Variants in FAM117A observed in about 807,000 individuals in gnomAD.
FAM117A encodes the protein protein FAM117A.
FAM117A carries 21 observed loss-of-function variants against 44.1 expected under a neutral mutation model. That is an observed-to-expected ratio of 0.48 (90% CI 0.34 to 0.69). The LOEUF (loss-of-function observed/expected upper bound fraction) is 0.69. Ranked by LOEUF, FAM117A falls within the 30% of genes least tolerant of loss-of-function variation. The pLI is 0.01. For synonymous variants in FAM117A, 220 were observed against 238.3 expected (o/e 0.92, Z 0.71); for missense variants, 498 against 589.9 (o/e 0.84, Z 1.61).
At chr17:49,774,615 C>A (rs2073770818) in intron 1 of FAM117A, among the ~76,000 whole-genome samples, 2 of 152,192 alleles carry the variant, frequency 1.3e-5, no homozygotes, top group South Asian at 4.1e-4. Context: ...GCCTCAGCCT[C>A]CCAAAGTGCT....
chr17:49,749,525 C>T lies in FAM117A; in HGVS notation c.196+14367G>A, dbSNP rs532736057. Among the ~76,000 whole-genome samples the T allele has an allele frequency of 2.4e-5, 3 of 124,052 alleles. 1 individual carries two copies. Among genetic ancestry groups the T allele is most frequent in the Non-Finnish European group, 5.5e-5 (3 of 54,430 alleles). The allele number at this position is 124,052 out of a possible 152,430, so 81.4% of individuals were successfully genotyped here. A position where few individuals can be genotyped will look rare whatever the true frequency, so the allele number is the denominator to read the frequency against. ...CTGGGAGGCAGAAGTTGCAGTGAGC[C>T]GAGATCGCGCCACTGTACTCTAGCC... is the stretch of plus-strand genomic sequence containing the variant. On this transcript the variant is annotated intron_variant, in intron 1 of 7. Transcript: ENST00000240364.
At chr17:49,751,712 G>C (rs2073678280) in intron 1 of FAM117A, among the ~76,000 whole-genome samples, 1 of 152,008 alleles carries the variant, frequency 6.6e-6, no homozygotes, top group South Asian at 2.1e-4. Flanking sequence ...GGGAGGCTGA[G>C]GTGGGCAGAT....
intron 7 of FAM117A, among the ~76,000 whole-genome samples, chr17:49,715,864 C>T (rs533068947): frequency 4.9e-4 from 75 of 152,238 alleles, no homozygotes; most frequent in South Asian, 1.5e-3. Flanking sequence ...ACACCTTCCC[C>T]GGAGATGGAA....
intron 7 of FAM117A, among the ~76,000 whole-genome samples, chr17:49,712,075 G>T (rs551618602): frequency 6.6e-6 from 1 of 152,364 alleles, no homozygotes. Flanking sequence ...GAACCTGGGA[G>T]GCGGAGGTTG....
rs1010367724 is a variant in FAM117A at position 49,710,907 on chromosome 17, C to T, written c.*348G>A. 25 of 196,352 alleles carry T rather than the reference C, an allele frequency of 1.3e-4. No individual in the cohort carries two copies. The South Asian group carries it at 3.2e-3, about 25-fold the overall frequency. 12.2% of individuals were successfully genotyped at this position (196,352 alleles called of 1,614,324 possible). ...TCTTCTCTCCTTCGTTCATGGCCAG[C>T]TTGCTCTGTGACAAAAATAAGGGCC... On this transcript the variant is annotated 3_prime_UTR_variant, in exon 8 of 8. Coordinates refer to ENST00000240364, the MANE Select transcript of FAM117A (RefSeq NM_030802.4).
upstream of FAM117A, chr17:49,788,708 G>A: frequency 2.0e-6 from 2 of 1,013,134 alleles, no homozygotes; most frequent in East Asian, 3.1e-5. Flanking sequence ...CTGAGAGGCA[G>A]GAGGCACTAG....
chr17:49,747,982 T>C (rs2073660278), intron 1 of FAM117A, among the ~76,000 whole-genome samples: 1 of 152,070 alleles, frequency 6.6e-6, no homozygotes, highest in South Asian at 2.1e-4. Context: ...AGATATCACA[T>C]TGGAAAGATT....
Position 49,718,742 on chromosome 17 carries a change from G to A in FAM117A, c.708+1018C>T, listed in dbSNP as rs538194034. On this transcript the variant is annotated intron_variant, in intron 5 of 7. Transcript: ENST00000240364. ...TCACGCCTGTAATCCCAGCACTTTG[G>A]GAGGCCAAGGTGGGTGGATCATGAG... 2.6e-5 allele frequency among the ~76,000 whole-genome samples: 4 copies of A among 152,184 alleles called. No homozygotes were observed. The South Asian group carries it at 8.3e-4, about 32-fold the overall frequency.
intron 1 of FAM117A, among the ~76,000 whole-genome samples, chr17:49,759,412 G>C (rs1035762952): frequency 1.5e-4 from 23 of 152,186 alleles, no homozygotes; most frequent in African/African-American, 5.5e-4. Flanking sequence ...GCTGTCAAAA[G>C]CAACAGTTAG....
chr17:49,714,123 A>G (rs1397850573), intron 7 of FAM117A, among the ~76,000 whole-genome samples: 1 of 152,174 alleles, frequency 6.6e-6, no homozygotes, highest in East Asian at 1.9e-4. Context: ...TATGATGGCA[A>G]CCAGCATGAC....
At chr17:49,780,275 AT>A (rs1248884938) in intron 1 of FAM117A, among the ~76,000 whole-genome samples, 1 of 152,144 alleles carries the variant, frequency 6.6e-6, no homozygotes, top group Non-Finnish European at 1.5e-5. Context: ...ATGCAGTGTC[AT>A]TTTTTTATCC....
intron 5 of FAM117A, 109 bp downstream of exon 5, chr17:49,719,651 T>G: frequency 7.6e-7 from 1 of 1,316,792 alleles, no homozygotes; most frequent in Non-Finnish European, 1.0e-6. Flanking sequence ...TGCTGCTGTT[T>G]GCGTAGCCAT....
rs142177804 is a variant in FAM117A at position 49,743,822 on chromosome 17, T to C, written c.197-11102A>G. 4.8e-3 allele frequency among the ~76,000 whole-genome samples: 737 copies of C among 152,134 alleles called. 9 individuals carry two copies. The highest frequency in any genetic ancestry group is 6.8e-3 in the Middle Eastern group (2 of 292). On this transcript the variant is annotated intron_variant, in intron 1 of 7. Coordinates refer to ENST00000240364, the MANE Select transcript of FAM117A (RefSeq NM_030802.4). ...GACATGCCTGTTAGTCCCAGCTACT[T>C]GGGAGGCTGAGGTTGAGAGGACTGC...
intron 1 of FAM117A, among the ~76,000 whole-genome samples, chr17:49,741,791 T>C (rs766384265): frequency 7.2e-5 from 11 of 152,196 alleles, no homozygotes; most frequent in Non-Finnish European, 1.0e-4. Flanking sequence ...TTCAGCACAT[T>C]TGTTGGGATT....
At chr17:49,718,089 G>A (rs905859729) in intron 5 of FAM117A, 3 of 162,848 alleles carry the variant, frequency 1.8e-5, no homozygotes, top group Admixed American at 6.4e-5. Flanking sequence ...GCACAATAGC[G>A]GCAAACCACC....
In FAM117A at chr17:49,710,867, A is replaced by C; in HGVS notation, c.*388T>G. On this transcript the variant is annotated 3_prime_UTR_variant, in exon 8 of 8. Transcript: ENST00000240364. ...CTTATGGTCTCCTGGAGGAGAGGGA[A>C]GGAAATCTGTGGCGTCTTCTCTCCT... 1 of 169,450 alleles carries C rather than the reference A, an allele frequency of 5.9e-6. No individual in the cohort carries two copies. The highest frequency in any genetic ancestry group is 1.3e-5 in the Non-Finnish European group (1 of 77,398). The allele number at this position is 169,450 out of a possible 1,614,324, so 10.5% of individuals were successfully genotyped here.
intron 6 of FAM117A, 37 bp downstream of exon 6, chr17:49,717,476 C>T: frequency 6.2e-7 from 1 of 1,600,724 alleles, no homozygotes; most frequent in Non-Finnish European, 8.5e-7. Flanking sequence ...TCATGTGCCC[C>T]AGAGTCAGCC....
chr17:49,735,507 T>C (rs1204168352), intron 1 of FAM117A, among the ~76,000 whole-genome samples: 1 of 152,248 alleles, frequency 6.6e-6, no homozygotes, highest in Non-Finnish European at 1.5e-5. Context: ...TCTGCTTGGT[T>C]CCACCTATTT....
Position 49,722,560 on chromosome 17 carries a change from C to T in FAM117A, c.401G>A (p.Arg134His), listed in dbSNP as rs115710595. 49 of 1,613,878 alleles carry T rather than the reference C, an allele frequency of 3.0e-5. No individual in the cohort carries two copies. The Admixed American group carries it at 3.3e-4, about 11-fold the overall frequency. ...GCGCTTGTGTGCACAGGAACTGGCA[C>T]GCTCACCTTCTAGCTCTTGCCAGGA... ...PLSWQELEGE[R>H]ASSCAHKRSA... Residue 134 changes from arginine to histidine, a missense_variant, in exon 3 of 8, where the codon CGT becomes CAT. Physicochemically the swap from Arg to His is conservative, Grantham distance 29 (BLOSUM62 0). This residue lies in a region of FAM117A where 270 missense variants were observed against 277.4 expected (regional missense o/e 0.97). Coordinates refer to ENST00000240364, the MANE Select transcript of FAM117A (RefSeq NM_030802.4).
Sources: gnomAD v4.1 joint callset for allele counts (sites outside exome capture counted in the v4.1 genomes callset) on GRCh38, gnomAD v4.1.1 for gene constraint, gnomAD v4.1.1 regional missense constraint, MANE v1.5 for transcripts, NCBI Gene and HGNC (gene_info 2026-07-23, HGNC 2026-07-21) for gene names.